Variants in AK9 observed in about 807,000 individuals in gnomAD.
The protein encoded by AK9 is adenylate kinase 9.
AK9 carries 191 observed loss-of-function variants against 239.6 expected under a neutral mutation model. The observed-to-expected ratio is 0.80, with a 90% CI of 0.71 to 0.90. AK9 has a LOEUF of 0.90. Ranked by LOEUF, AK9 falls within the 40% of genes least tolerant of loss-of-function variation. The pLI is 0.00. For missense variants in AK9, 1,995 were observed against 2,214.7 expected (o/e 0.90, Z 1.99); for synonymous variants, 689 against 721.0 (o/e 0.96, Z 0.71).
chr6:109,509,505 A>C (rs1254978679), intron 32 of AK9, 125 bp from the exon 33 acceptor site: 1 of 838,572 alleles, frequency 1.2e-6, no homozygotes, highest in Non-Finnish European at 1.8e-6. Context: ...CTGTCCCCCA[A>C]GTAGCAAACA....
intron 29 of AK9, among the ~76,000 whole-genome samples, chr6:109,525,664 TGTTA>T: frequency 6.6e-6 from 1 of 152,212 alleles, no homozygotes; most frequent in Non-Finnish European, 1.5e-5. Flanking sequence ...AAATAACAGA[TGTTA>T]GTGAGGTTAT....
chr6:109,554,776 C>T (rs1402254695), intron 24 of AK9, among the ~76,000 whole-genome samples: 2 of 152,072 alleles, frequency 1.3e-5, no homozygotes, highest in Non-Finnish European at 2.9e-5. Context: ...AGGTGATCTG[C>T]CCGCCTTGGC....
chr6:109,536,266 G>C (rs992756745), intron 27 of AK9, among the ~76,000 whole-genome samples: 1 of 152,032 alleles, frequency 6.6e-6, no homozygotes, highest in Non-Finnish European at 1.5e-5. Flanking sequence ...ATTTGTTTGT[G>C]TCCTCTTTTA....
intron 20 of AK9, among the ~76,000 whole-genome samples, chr6:109,576,987 C>T (rs950796265): frequency 8.5e-5 from 13 of 152,106 alleles, no homozygotes; most frequent in Non-Finnish European, 1.5e-4. Flanking sequence ...CCCGCCACCA[C>T]GCCCGGCTAA....
chr6:109,494,892 CAG>C (rs1410150219), intron 39 of AK9, among the ~76,000 whole-genome samples: 1 of 152,142 alleles, frequency 6.6e-6, no homozygotes, highest in African/African-American at 2.4e-5. Flanking sequence ...AAATAAATAA[CAG>C]TAAATAAAAC....
intron 27 of AK9, among the ~76,000 whole-genome samples, chr6:109,535,351 G>T (rs993420516): frequency 6.6e-6 from 1 of 152,136 alleles, no homozygotes; most frequent in African/African-American, 2.4e-5. Context: ...TTTCTCTGAC[G>T]GTCAGTGATG....
At chr6:109,614,506 A>G in intron 13 of AK9, 26 bp from the exon 14 acceptor site, 1 of 1,537,422 alleles carries the variant, frequency 6.5e-7, no homozygotes, top group South Asian at 1.2e-5. Context: ...GGGTGGTGTT[A>G]GCAAAACGTA....
At chr6:109,572,576 T>C (rs1232799839) in intron 21 of AK9, among the ~76,000 whole-genome samples, 1 of 152,158 alleles carries the variant, frequency 6.6e-6, no homozygotes, top group Non-Finnish European at 1.5e-5. Flanking sequence ...CTCTTAGATA[T>C]GCATAATACT....
intron 32 of AK9, among the ~76,000 whole-genome samples, chr6:109,513,779 T>C (rs1030059793): frequency 6.6e-6 from 1 of 152,212 alleles, no homozygotes; most frequent in African/African-American, 2.4e-5. Flanking sequence ...ATAGGATTTC[T>C]GATGTCAGAT....
At chr6:109,629,181 T>G (rs9398211) in intron 12 of AK9, among the ~76,000 whole-genome samples, 151,940 of 152,118 alleles carry the variant, frequency 1, 75,883 homozygotes, top group Middle Eastern at 1. Context: ...TAGACTCAAG[T>G]GATCCTCCTG....
chr6:109,576,396 G>A (rs1185641673), intron 20 of AK9, among the ~76,000 whole-genome samples: 1 of 141,662 alleles, frequency 7.1e-6, no homozygotes, highest in Non-Finnish European at 1.5e-5. Context: ...CACCTCCTTG[G>A]TTAGGTGTAT....
intron 1 of AK9, 136 bp from the exon 2 acceptor site, chr6:109,675,892 A>G (rs994025053): frequency 3.9e-6 from 2 of 514,546 alleles, no homozygotes; most frequent in Non-Finnish European, 6.9e-6. Flanking sequence ...TTTTGTCAGT[A>G]ATTGCAAATA....
At chr6:109,539,432 G>A (rs200817663) in intron 27 of AK9, among the ~76,000 whole-genome samples, 3 of 152,168 alleles carry the variant, frequency 2.0e-5, no homozygotes, top group Non-Finnish European at 2.9e-5. Flanking sequence ...CGTAGTTCTC[G>A]TGCCATGGTT....
intron 29 of AK9, among the ~76,000 whole-genome samples, chr6:109,524,620 G>T (rs949074218): frequency 1.3e-5 from 2 of 152,152 alleles, no homozygotes; most frequent in Admixed American, 6.6e-5. Flanking sequence ...CATCATACCA[G>T]AGGAATGAAT....
At chr6:109,568,505 G>T (rs1293248365) in intron 21 of AK9, among the ~76,000 whole-genome samples, 1 of 152,164 alleles carries the variant, frequency 6.6e-6, no homozygotes, top group Admixed American at 6.5e-5. Context: ...GTTTGCAAAT[G>T]ACATGATTGT....
At chr6:109,650,503 A>G (rs201090849) in intron 8 of AK9, among the ~76,000 whole-genome samples, 86,256 of 149,312 alleles carry the variant, frequency 0.58, 26,607 homozygotes, top group South Asian at 0.84. Context: ...CTGGCCGTCC[A>G]AGAAATGCAA....
intron 17 of AK9, among the ~76,000 whole-genome samples, chr6:109,595,079 A>G (rs1006247300): frequency 6.6e-6 from 1 of 152,234 alleles, no homozygotes; most frequent in Non-Finnish European, 1.5e-5. Flanking sequence ...GGCAACCTAC[A>G]GAATGGGAGA....
At chr6:109,519,181 T>C (rs1013379582) in intron 29 of AK9, among the ~76,000 whole-genome samples, 2 of 152,226 alleles carry the variant, frequency 1.3e-5, no homozygotes, top group African/African-American at 4.8e-5. Context: ...TACGGTATTA[T>C]ACATATGTAG....
At chr6:109,672,828 C>G (rs1016197782) in intron 3 of AK9, among the ~76,000 whole-genome samples, 8 of 152,184 alleles carry the variant, frequency 5.3e-5, no homozygotes, top group Non-Finnish European at 8.8e-5. Flanking sequence ...ACAGTGATTT[C>G]TAAATCATTT....
Sources: gnomAD v4.1 joint callset for allele counts (sites outside exome capture counted in the v4.1 genomes callset) on GRCh38, gnomAD v4.1.1 for gene constraint, MANE v1.5 for transcripts, NCBI Gene and HGNC (gene_info 2026-07-23, HGNC 2026-07-21) for gene names.